NTM: variants seen among roughly 807,000 people sequenced by gnomAD.
NTM encodes the protein neurotrimin, also known as IgLON family member 2.
In NTM, 13 loss-of-function variants were observed where a neutral mutation model predicts 42.1. The ratio of observed to expected loss-of-function variants is 0.31; its 90% CI spans 0.20 to 0.49. NTM has a LOEUF of 0.49. Among genes scored for constraint, NTM ranks in the 20% least tolerant of loss-of-function variants. The pLI is 0.99. For synonymous variants in NTM, 187 were observed against 179.2 expected (o/e 1.04, Z -0.35); for missense variants, 373 against 452.8 (o/e 0.82, Z 1.60).
chr11:131,872,577 G>C (rs1273954963), intron 1 of NTM, among the ~76,000 whole-genome samples: 1 of 152,146 alleles, frequency 6.6e-6, no homozygotes, highest in African/African-American at 2.4e-5. Context: ...AAGCCCAAAG[G>C]AGTTGGTATA....
chr11:132,161,671 A>T (rs3936011), intron 3 of NTM, among the ~76,000 whole-genome samples: 5,107 of 151,646 alleles, frequency 0.034, 256 homozygotes, highest in African/African-American at 0.11. Context: ...CCCCCTTGCC[A>T]GTTGCCATCC....
At chr11:132,312,893 G>A (rs1385793235) in intron 6 of NTM, 1 of 152,588 alleles carries the variant, frequency 6.6e-6, no homozygotes. Context: ...TTTGGACAGT[G>A]CTAGCATTTT....
chr11:132,136,054 C>A (rs1184325344), intron 2 of NTM, among the ~76,000 whole-genome samples: 6 of 152,064 alleles, frequency 3.9e-5, no homozygotes, highest in Admixed American at 3.9e-4. Flanking sequence ...CTTTCCAGAC[C>A]CTGGGGACCC....
In NTM at chr11:131,878,592, AAAATATATATATATATATATATATAT is replaced by A. The variant is rs1201202423; in HGVS notation, c.83-32970_83-32945del. Among the ~76,000 whole-genome samples the A allele has an allele frequency of 1.7e-3, 45 of 26,288 alleles. 8 individuals carry two copies. The East Asian group carries it at 0.031, about 18-fold the overall frequency. 17.2% of individuals were successfully genotyped at this position (26,288 alleles called of 152,430 possible). A position where few individuals can be genotyped will look rare whatever the true frequency, so the allele number is the denominator to read the frequency against. On this transcript the variant is annotated intron_variant, in intron 1 of 8. Coordinates refer to ENST00000683400, the MANE Select transcript of NTM (RefSeq NM_001352005.2). The stretch of plus-strand genomic sequence containing the variant: ...CTCAAAAAAAAAAAAAAAAAAAAAA[AAAATATATATATATATATATATATAT>A]ATATATATATATATATATATATAAT...
At chr11:131,410,755 T>G (rs543238461) in intron 1 of NTM, among the ~76,000 whole-genome samples, 2 of 152,164 alleles carry the variant, frequency 1.3e-5, no homozygotes, top group Admixed American at 1.3e-4. Flanking sequence ...AAAAATATAC[T>G]ATTACCCTGC....
chr11:132,154,377 C>A (rs1238556111), intron 3 of NTM, among the ~76,000 whole-genome samples: 5 of 152,208 alleles, frequency 3.3e-5, no homozygotes, highest in Non-Finnish European at 7.4e-5. Context: ...CCAATCCCAA[C>A]TGGTTCTATG....
chr11:131,901,982 TGTCAACCCCAG>T (rs1434650464), intron 1 of NTM, among the ~76,000 whole-genome samples: 1 of 152,180 alleles, frequency 6.6e-6, no homozygotes, highest in African/African-American at 2.4e-5. Flanking sequence ...GTGCTGCCCA[TGTCAACCCCAG>T]GTTGGGAAAG....
intron 2 of NTM, among the ~76,000 whole-genome samples, chr11:132,102,408 G>GTCA (rs1165404000): frequency 5.9e-5 from 9 of 152,284 alleles, no homozygotes; most frequent in Admixed American, 5.2e-4. Flanking sequence ...CAGTGTGCCT[G>GTCA]AAGAGCTGGG....
chr11:131,769,854 G>A (rs1454764967), intron 1 of NTM, among the ~76,000 whole-genome samples: 1 of 152,230 alleles, frequency 6.6e-6, no homozygotes, highest in Non-Finnish European at 1.5e-5. Context: ...ACACCAGGAA[G>A]CCACATGAAG....
At chr11:131,601,680 T>A (rs2060499155) in intron 1 of NTM, among the ~76,000 whole-genome samples, 1 of 152,152 alleles carries the variant, frequency 6.6e-6, no homozygotes, top group Admixed American at 6.5e-5. Flanking sequence ...CATTTAATGA[T>A]ACAGAAGTTC....
At chr11:131,798,731 A>G (rs529477655) in intron 1 of NTM, among the ~76,000 whole-genome samples, 8 of 152,270 alleles carry the variant, frequency 5.3e-5, no homozygotes, top group South Asian at 2.1e-4. Flanking sequence ...AACATCTGCA[A>G]CTCTATTGAT....
chr11:132,256,348 C>A (rs1346370260), intron 4 of NTM, among the ~76,000 whole-genome samples: 2 of 152,248 alleles, frequency 1.3e-5, no homozygotes, highest in Non-Finnish European at 2.9e-5. Flanking sequence ...GCTTCCCTCA[C>A]CCCTCCAGTG....
chr11:131,934,255 A>G (rs2058971940), intron 2 of NTM, among the ~76,000 whole-genome samples: 1 of 152,180 alleles, frequency 6.6e-6, no homozygotes, highest in African/African-American at 2.4e-5. Context: ...ACCCATTGAG[A>G]ACGTTATTCC....
At chr11:131,910,438 C>T (rs1445489766) in intron 1 of NTM, among the ~76,000 whole-genome samples, 1 of 151,550 alleles carries the variant, frequency 6.6e-6, no homozygotes, top group African/African-American at 2.4e-5. Context: ...CTGGGCCCGG[C>T]GCGGCGGGGG....
At chr11:131,715,370 T>C (rs1429747729) in intron 1 of NTM, among the ~76,000 whole-genome samples, 2 of 152,148 alleles carry the variant, frequency 1.3e-5, no homozygotes, top group African/African-American at 4.8e-5. Context: ...GGATCAGAGG[T>C]GAGAACGGGA....
At chr11:131,945,222 C>G (rs555722297) in intron 2 of NTM, among the ~76,000 whole-genome samples, 2 of 152,340 alleles carry the variant, frequency 1.3e-5, no homozygotes, top group South Asian at 2.1e-4. Flanking sequence ...TCCCTATTTC[C>G]TTAGCATCTC....
At position 131,803,499 on chromosome 11, in the gene NTM, A is replaced by G. The variant is rs139420127; in HGVS notation, c.83-108065A>G. Among the ~76,000 whole-genome samples, 656 of 152,206 alleles carry G rather than the reference A, an allele frequency of 4.3e-3. 9 individuals carry two copies. Among genetic ancestry groups the G allele is most frequent in the African/African-American group, 0.015 (628 of 41,534 alleles). On this transcript the variant is annotated intron_variant, in intron 1 of 8. Transcript: ENST00000683400. ...AATTTTTATATTTTTAAGTAGAGAT[A>G]GGGTTTCCCTATGTTGGCGAGGCTA... is the stretch of plus-strand genomic sequence containing the variant.
intron 4 of NTM, among the ~76,000 whole-genome samples, chr11:132,276,987 A>T (rs1201031573): frequency 2.0e-5 from 3 of 152,122 alleles, no homozygotes; most frequent in Non-Finnish European, 4.4e-5. Context: ...AATACAACTG[A>T]TTTTTTTATG....
chr11:132,059,392 G>A (rs1246209953), intron 2 of NTM, among the ~76,000 whole-genome samples: 2 of 152,236 alleles, frequency 1.3e-5, no homozygotes, highest in East Asian at 3.8e-4. Flanking sequence ...CCAAGTAACA[G>A]TGCTTCAGGT....
Sources: gnomAD v4.1 joint callset for allele counts (sites outside exome capture counted in the v4.1 genomes callset) on GRCh38, gnomAD v4.1.1 for gene constraint, MANE v1.5 for transcripts, NCBI Gene and HGNC (gene_info 2026-07-23, HGNC 2026-07-21) for gene names.